Variants in PLAA observed in about 807,000 individuals in gnomAD.
The protein encoded by PLAA is phospholipase A2 activating protein.
A neutral mutation model predicts 84.1 loss-of-function variants in PLAA; 48 were observed. The observed-to-expected ratio is 0.57, with a 90% CI of 0.45 to 0.73. PLAA has a LOEUF of 0.73. PLAA is among the 30% of genes least tolerant of loss of function. The probability of loss-of-function intolerance (pLI) is 0.00; values close to 1 mark genes in which losing one functional copy is unlikely to be tolerated. For missense variants in PLAA, 903 were observed against 954.7 expected (o/e 0.95, Z 0.71); for synonymous variants, 392 against 336.6 (o/e 1.16, Z -1.80).
At chr9:26,925,772 C>A in intron 6 of PLAA, 53 bp downstream of exon 6, 2 of 1,539,200 alleles carry the variant, frequency 1.3e-6, no homozygotes, top group South Asian at 2.3e-5. Context: ...CACTCTAGTT[C>A]CTACTGAAGG....
intron 10 of PLAA, chr9:26,915,820 T>G (rs953263720): frequency 3.0e-6 from 3 of 985,310 alleles, no homozygotes; most frequent in Non-Finnish European, 3.6e-6. Flanking sequence ...CTGGTATTAG[T>G]TGAAGCTTGA....
chr9:26,946,898 T>G lies in PLAA; in HGVS notation c.148A>C (p.Ser50Arg), dbSNP rs768446484. The G allele has an allele frequency of 7.0e-6, 11 of 1,578,960 alleles. No individual in the cohort carries two copies. In the Admixed American group the frequency reaches 2.0e-4, roughly 29 times the overall value. The change falls in exon 1 of 14, where the codon AGT becomes CGT. Residue 50 changes from serine to arginine, a missense_variant and splice_region_variant. Physicochemically the swap from Ser to Arg is moderately radical, Grantham distance 110. Transcript: ENST00000397292. ...GGCAACCCGACTCCCAGCGCTCACC[T>G]GTCTGGGGCCCAGAGGCGGGTGGTG... ...DRTTRLWAPD[S>R]PNRSFTEMHC...
chr9:26,909,249 A>G (rs1416806435), intron 12 of PLAA, among the ~76,000 whole-genome samples: 1 of 152,220 alleles, frequency 6.6e-6, no homozygotes, highest in Non-Finnish European at 1.5e-5. Context: ...CTCAGGTATT[A>G]ACAGCTTTAA....
chr9:26,906,204 C>T lies in PLAA; in HGVS notation c.1823-128G>A, dbSNP rs953676348. The T allele has an allele frequency of 2.3e-5, 13 of 557,016 alleles. No individual in the cohort carries two copies. In the African/African-American group the frequency reaches 2.5e-4, roughly 11 times the overall value. The allele number at this position is 557,016 out of a possible 1,614,324, so 34.5% of individuals were successfully genotyped here. Reference sequence around the variant, plus strand: ...TTAGAAAATGTGAAAAATCATGTGTCTGCTTTAAAAAAAATGCATATATTT... The same window carrying T: ...TTAGAAAATGTGAAAAATCATGTGTTTGCTTTAAAAAAAATGCATATATTT... On this transcript the variant is annotated intron_variant, in intron 13 of 13. Coordinates refer to ENST00000397292, the MANE Select transcript of PLAA (RefSeq NM_001031689.3).
At chr9:26,917,406 C>A (rs1005623068) in intron 9 of PLAA, among the ~76,000 whole-genome samples, 1 of 152,224 alleles carries the variant, frequency 6.6e-6, no homozygotes, top group African/African-American at 2.4e-5. Context: ...AGCCCCAGCA[C>A]TTAAATATTA....
In PLAA at chr9:26,907,764, A is replaced by G. The variant is rs1824281389; in HGVS notation, c.1822+70T>C. 4 of 1,284,246 alleles carry G rather than the reference A, an allele frequency of 3.1e-6. No individual in the cohort carries two copies. The South Asian group carries it at 5.4e-5, about 17-fold the overall frequency. The allele number at this position is 1,284,246 out of a possible 1,614,324, so 79.6% of individuals were successfully genotyped here. A position where few individuals can be genotyped will look rare whatever the true frequency, so the allele number is the denominator to read the frequency against. On this transcript the variant is annotated intron_variant, in intron 13 of 13. Coordinates refer to ENST00000397292, the MANE Select transcript of PLAA (RefSeq NM_001031689.3). ...AACTTTCATTTAATCCACAAATACC[A>G]GTAATATTGATAGAAATGAAGATAA...
intron 12 of PLAA, among the ~76,000 whole-genome samples, chr9:26,910,040 AT>A (rs35465977): frequency 6.6e-6 from 1 of 151,958 alleles, no homozygotes; most frequent in Non-Finnish European, 1.5e-5. Context: ...ATATTCATTA[AT>A]TTTTTTTGAA....
intron 1 of PLAA, among the ~76,000 whole-genome samples, chr9:26,943,158 T>C (rs1156889562): frequency 2.0e-5 from 3 of 152,038 alleles, no homozygotes; most frequent in Non-Finnish European, 2.9e-5. Context: ...ACTTGGGAAA[T>C]GTAATTTAGC....
At chr9:26,923,710 C>T (rs1162988326) in intron 6 of PLAA, among the ~76,000 whole-genome samples, 1 of 152,022 alleles carries the variant, frequency 6.6e-6, no homozygotes, top group Non-Finnish European at 1.5e-5. Flanking sequence ...GCTCAAAGAC[C>T]CAATGTAGGG....
At position 26,927,127 on chromosome 9, in the gene PLAA, C is replaced by CTTTTTTTT. The variant is rs10672584; in HGVS notation, c.566-575_566-568dup. On this transcript the variant is annotated intron_variant, in intron 4 of 13. Transcript: ENST00000397292. Reference sequence around the variant, plus strand: ...ATCAAAAGATACTTTTTTTGTTTTTCTTTTTTTTTTTGAGATGGAGTCTCA... The same window carrying CTTTTTTTT: ...ATCAAAAGATACTTTTTTTGTTTTTCTTTTTTTTTTTTTTTTTTTGAGATGGAGTCTCA... 8.5e-4 allele frequency among the ~76,000 whole-genome samples: 116 copies of CTTTTTTTT among 136,764 alleles called. 3 individuals carry two copies. The highest frequency in any genetic ancestry group is 1.1e-3 in the Admixed American group (14 of 13,232). The allele number at this position is 136,764 out of a possible 152,430, so 89.7% of individuals were successfully genotyped here. A position where few individuals can be genotyped will look rare whatever the true frequency, so the allele number is the denominator to read the frequency against.
At chr9:26,928,012 A>G in intron 4 of PLAA, 88 bp downstream of exon 4, 1 of 1,395,852 alleles carries the variant, frequency 7.2e-7, no homozygotes, top group South Asian at 1.4e-5. Flanking sequence ...TGTTTTTCAA[A>G]TATTTTCATG....
intron 2 of PLAA, among the ~76,000 whole-genome samples, chr9:26,931,211 T>C (rs1263958210): frequency 2.7e-5 from 4 of 149,822 alleles, no homozygotes; most frequent in South Asian, 4.2e-4. Flanking sequence ...AGTAAATAAA[T>C]TGGGAGAAGG....
At chr9:26,930,864 T>C (rs768218253) in intron 2 of PLAA, among the ~76,000 whole-genome samples, 13 of 152,080 alleles carry the variant, frequency 8.5e-5, no homozygotes, top group Non-Finnish European at 1.2e-4. Flanking sequence ...ATTACAGGCA[T>C]GCACCACCAT....
chr9:26,934,977 T>C, intron 2 of PLAA, 36 bp downstream of exon 2: 1 of 1,419,840 alleles, frequency 7.0e-7, no homozygotes, highest in Non-Finnish European at 9.5e-7. Flanking sequence ...GGATAAAACT[T>C]CAAATAGAAA....
intron 4 of PLAA, among the ~76,000 whole-genome samples, chr9:26,927,244 C>T (rs1461163827): frequency 6.6e-6 from 1 of 151,388 alleles, no homozygotes; most frequent in African/African-American, 2.4e-5. Context: ...CCTCAGCCTC[C>T]CGAATAGCTG....
intron 1 of PLAA, among the ~76,000 whole-genome samples, chr9:26,944,764 G>A (rs1825636230): frequency 6.6e-6 from 1 of 152,172 alleles, no homozygotes; most frequent in African/African-American, 2.4e-5. Context: ...ACACACTGTG[G>A]CAAAATGCAA....
chr9:26,927,038 T>C (rs1824991988), intron 4 of PLAA, among the ~76,000 whole-genome samples: 3 of 152,122 alleles, frequency 2.0e-5, no homozygotes, highest in East Asian at 3.9e-4. Context: ...AATGACTTGA[T>C]ACATATATAT....
chr9:26,945,382 A>G (rs1163838195), intron 1 of PLAA, among the ~76,000 whole-genome samples: 1 of 152,200 alleles, frequency 6.6e-6, no homozygotes, highest in Non-Finnish European at 1.5e-5. Flanking sequence ...AAAGGCAAAA[A>G]CTTAATAACT....
At chr9:26,932,802 C>T (rs780458009) in intron 2 of PLAA, among the ~76,000 whole-genome samples, 3 of 152,174 alleles carry the variant, frequency 2.0e-5, no homozygotes, top group Non-Finnish European at 2.9e-5. Context: ...AGACTTCTCA[C>T]ACAAACACAC....
Sources: gnomAD v4.1 joint callset for allele counts (sites outside exome capture counted in the v4.1 genomes callset) on GRCh38, gnomAD v4.1.1 for gene constraint, MANE v1.5 for transcripts, NCBI Gene and HGNC (gene_info 2026-07-23, HGNC 2026-07-21) for gene names.